The following SIVA1 variants were observed in gnomAD, a reference collection of about 807,000 sequenced individuals.
SIVA1 encodes the protein SIVA1 apoptosis inducing factor.
A neutral mutation model predicts 19.7 loss-of-function variants in SIVA1; 10 were observed. The ratio of observed to expected loss-of-function variants is 0.51; its 90% CI spans 0.31 to 0.86. SIVA1 has a LOEUF of 0.86. SIVA1 is among the 40% of genes least tolerant of loss of function. SIVA1 has a pLI of 0.04. For synonymous variants in SIVA1, 130 were observed against 106.1 expected (o/e 1.23, Z -1.39); for missense variants, 241 against 245.2 (o/e 0.98, Z 0.11).
chr14:104,756,326 C>T, intron 2 of SIVA1: 1 of 538,666 alleles, frequency 1.9e-6, no homozygotes, highest in Non-Finnish European at 3.4e-6. Flanking sequence ...ATGGTCCTTC[C>T]AGCACTAGCC....
Position 104,759,455 on chromosome 14 carries a change from G to T in SIVA1, c.498G>T (p.Leu166=), listed in dbSNP as rs139437432. 52 of 1,612,764 alleles carry T rather than the reference G, an allele frequency of 3.2e-5. No homozygotes were observed. The highest frequency in any genetic ancestry group is 4.2e-5 in the Non-Finnish European group (49 of 1,179,930). Residue 166 remains leucine, a synonymous_variant, in exon 4 of 4, where the codon CTG becomes CTT. Coordinates refer to ENST00000329967, the MANE Select transcript of SIVA1 (RefSeq NM_006427.4). This position sits in a 1 kb window ranked among gnomAD's most constrained non-coding sequence, Gnocchi z 4.2. ...GCAGTGACATGTACGAGAAAGTGCT[G>T]TGCACCAGCTGTGCCATGTTCGAGA... is the stretch of plus-strand genomic sequence containing the variant. The part of the protein sequence containing the change: ...VDCSDMYEKV[L]CTSCAMFET
intron 1 of SIVA1, among the ~76,000 whole-genome samples, chr14:104,754,745 C>G (rs936243205): frequency 2.0e-5 from 3 of 152,188 alleles, no homozygotes; most frequent in African/African-American, 7.2e-5. Context: ...AGCCTCACCA[C>G]GTGTCTGTCC....
At chr14:104,753,604 G>A (rs1357746723) in intron 1 of SIVA1, 2 of 485,486 alleles carry the variant, frequency 4.1e-6, no homozygotes, top group East Asian at 3.9e-5. Context: ...CCGGTTAGTC[G>A]CCGCCCTGCA....
At chr14:104,757,673 C>T (rs1272536274) in intron 3 of SIVA1, 3 of 153,110 alleles carry the variant, frequency 2.0e-5, no homozygotes, top group African/African-American at 7.2e-5. Flanking sequence ...TGCTTTTCAC[C>T]CGCTGAGTTC....
chr14:104,754,312 C>T (rs1314913960), intron 1 of SIVA1, among the ~76,000 whole-genome samples: 1 of 152,146 alleles, frequency 6.6e-6, no homozygotes, highest in Non-Finnish European at 1.5e-5. Flanking sequence ...GAGGGAAAGA[C>T]TCTGCCTCCC....
chr14:104,756,427 G>A (rs1891891066), intron 2 of SIVA1, 177 bp from the exon 3 acceptor site: 7 of 636,704 alleles, frequency 1.1e-5, no homozygotes, highest in Admixed American at 5.5e-5. Flanking sequence ...GTAGTAAAAC[G>A]GGGGTCCTGT....
intron 3 of SIVA1, chr14:104,757,234 C>T (rs747448380): frequency 7.6e-6 from 3 of 396,978 alleles, no homozygotes; most frequent in South Asian, 3.6e-5. Flanking sequence ...GGCTGGATCC[C>T]GTCCTTACTC....
At chr14:104,756,811 C>T (rs772088600) in intron 3 of SIVA1, 51 bp downstream of exon 3, 15 of 1,555,484 alleles carry the variant, frequency 9.6e-6, no homozygotes, top group Admixed American at 3.6e-5. Flanking sequence ...CCCAGCAAGC[C>T]GTGATGGGGG....
In SIVA1 at chr14:104,753,373, C is replaced by T. The variant is rs1307693334; in HGVS notation, c.118+54C>T. On this transcript the variant is annotated intron_variant, in intron 1 of 3. Coordinates refer to ENST00000329967, the MANE Select transcript of SIVA1 (RefSeq NM_006427.4). ...CGCTGCGTCGGGGCCTGGAACGGGC[C>T]GGGCCTCAGCGTCCCCTCTGAGGCC... 4 of 1,220,600 alleles carry T rather than the reference C, an allele frequency of 3.3e-6. No homozygotes were observed. In the African/African-American group the frequency reaches 4.6e-5, roughly 14 times the overall value. The allele number at this position is 1,220,600 out of a possible 1,614,324, so 75.6% of individuals were successfully genotyped here. A position where few individuals can be genotyped will look rare whatever the true frequency, so the allele number is the denominator to read the frequency against.
chr14:104,753,391 C>CT (rs1555381076), intron 1 of SIVA1, 72 bp downstream of exon 1: 6 of 1,035,650 alleles, frequency 5.8e-6, no homozygotes, highest in Non-Finnish European at 8.3e-6. Flanking sequence ...AGCGTCCCCT[C>CT]TGAGGCCTGA....
chr14:104,756,844 C>T, intron 3 of SIVA1, 84 bp downstream of exon 3: 1 of 1,408,226 alleles, frequency 7.1e-7, no homozygotes, highest in Admixed American at 2.4e-5. Flanking sequence ...CCCATGTGGG[C>T]CCAGAACACA....
Position 104,757,077 on chromosome 14 carries a change from C to T in SIVA1, c.470+317C>T, listed in dbSNP as rs570354409. On this transcript the variant is annotated intron_variant, in intron 3 of 3. Transcript: ENST00000329967. ...CTCCTCTGGTCTTTGAGCCCCCCCTCCCCCCGTCCGAGGAGCCCCTGGTTG... is the reference window on the plus strand; with the variant it reads ...CTCCTCTGGTCTTTGAGCCCCCCCTTCCCCCGTCCGAGGAGCCCCTGGTTG... The T allele has an allele frequency of 1.7e-3, 717 of 424,286 alleles. 4 individuals are homozygous for T. The highest frequency in any genetic ancestry group is 0.014 in the African/African-American group (676 of 49,230). The allele number at this position is 424,286 out of a possible 1,614,324, so 26.3% of individuals were successfully genotyped here. A position where few individuals can be genotyped will look rare whatever the true frequency, so the allele number is the denominator to read the frequency against.
rs910401432 is a variant in SIVA1 at position 104,753,221 on chromosome 14, C to A, written c.20C>A (p.Pro7His). The A allele has an allele frequency of 4.4e-6, 7 of 1,580,420 alleles. No homozygotes were observed. In the African/African-American group the frequency reaches 9.6e-5, roughly 22 times the overall value. Residue 7 changes from proline (P) to histidine (H), a missense_variant, in exon 1 of 4, where the codon CCC becomes CAC. Transcript: ENST00000329967. Reference sequence around the variant, plus strand: ...GCGGCCATGCCCAAGCGGAGCTGCCCCTTCGCGGACGTGGCCCCGCTACAG... The same window carrying A: ...GCGGCCATGCCCAAGCGGAGCTGCCACTTCGCGGACGTGGCCCCGCTACAG... MPKRSC[P>H]FADVAPLQLK...
chr14:104,755,089 G>A (rs1447532030), intron 1 of SIVA1, among the ~76,000 whole-genome samples: 1 of 152,228 alleles, frequency 6.6e-6, no homozygotes, highest in East Asian at 1.9e-4. Flanking sequence ...TGGGATGCTT[G>A]TCTTGCCAGC....
intron 3 of SIVA1, chr14:104,757,031 T>A: frequency 2.0e-6 from 1 of 509,526 alleles, no homozygotes; most frequent in African/African-American, 1.9e-5. Flanking sequence ...TGTTCTGATC[T>A]TTGAGCACCC....
At chr14:104,756,970 A>G in intron 3 of SIVA1, 1 of 602,554 alleles carries the variant, frequency 1.7e-6, no homozygotes. Flanking sequence ...GCTGAACCTC[A>G]CAGATGACCT....
intron 1 of SIVA1, among the ~76,000 whole-genome samples, chr14:104,754,131 C>T (rs117293494): frequency 1.3e-5 from 2 of 152,222 alleles, no homozygotes; most frequent in East Asian, 1.9e-4. Flanking sequence ...GGATTTCAGG[C>T]GTGTTGATCT....
chr14:104,753,957 G>C (rs1891799891), intron 1 of SIVA1: 1 of 316,142 alleles, frequency 3.2e-6, no homozygotes, highest in Non-Finnish European at 6.7e-6. Context: ...GCGGAATCCT[G>C]TGGGGGCGAG....
intron 1 of SIVA1, among the ~76,000 whole-genome samples, chr14:104,754,940 C>CA (rs1319912221): frequency 2.0e-5 from 3 of 152,118 alleles, no homozygotes; most frequent in African/African-American, 7.2e-5. Flanking sequence ...AGGTGCAAAA[C>CA]AAAAAACAAA....
Sources: gnomAD v4.1 joint callset for allele counts (sites outside exome capture counted in the v4.1 genomes callset) on GRCh38, gnomAD v4.1.1 for gene constraint, Gnocchi (gnomAD v3.1) non-coding constraint, MANE v1.5 for transcripts, NCBI Gene and HGNC (gene_info 2026-07-23, HGNC 2026-07-21) for gene names.